The following ADAMTS16 variants were observed in gnomAD, a reference collection of about 807,000 sequenced individuals.
ADAMTS16 encodes the protein A disintegrin and metalloproteinase with thrombospondin motifs 16.
In ADAMTS16, 94 loss-of-function variants were observed where a neutral mutation model predicts 145.8. The ratio of observed to expected loss-of-function variants is 0.64; its 90% confidence interval spans 0.55 to 0.77. The LOEUF (loss-of-function observed/expected upper bound fraction) is 0.77, where lower values mean the gene tolerates loss of function less well. Among genes scored for constraint, ADAMTS16 ranks in the 30% least tolerant of loss-of-function variants. The pLI, the probability that ADAMTS16 is intolerant of heterozygous loss-of-function variation, is 0.00. For synonymous variants in ADAMTS16, 659 were observed against 604.3 expected (o/e 1.09, Z -1.33); for missense variants, 1,585 against 1,591.5 (o/e 1.00, Z 0.07).
intron 21 of ADAMTS16, among the ~76,000 whole-genome samples, chr5:5,316,278 T>G (rs1442361232): frequency 6.6e-6 from 1 of 152,218 alleles, no homozygotes; most frequent in Non-Finnish European, 1.5e-5. Flanking sequence ...TTTTTCACAG[T>G]GTGATCCTTG....
intron 17 of ADAMTS16, among the ~76,000 whole-genome samples, chr5:5,251,539 T>C (rs1276235104): frequency 6.6e-6 from 1 of 152,234 alleles, no homozygotes; most frequent in Non-Finnish European, 1.5e-5. Context: ...ACCTTTTCTG[T>C]TGGGAAAACC....
chr5:5,253,903 G>C (rs1221378343), intron 17 of ADAMTS16, among the ~76,000 whole-genome samples: 1 of 152,116 alleles, frequency 6.6e-6, no homozygotes, highest in African/African-American at 2.4e-5. Flanking sequence ...TCCTTTCTTT[G>C]TATTCTCCCT....
chr5:5,165,687 A>G (rs1734857053), intron 3 of ADAMTS16, among the ~76,000 whole-genome samples: 2 of 152,210 alleles, frequency 1.3e-5, no homozygotes. Context: ...TGCCAACTTG[A>G]TGAGCTCAGC....
intron 11 of ADAMTS16, among the ~76,000 whole-genome samples, chr5:5,224,792 T>A (rs1736710867): frequency 6.6e-6 from 1 of 152,188 alleles, no homozygotes; most frequent in Non-Finnish European, 1.5e-5. Flanking sequence ...GCCTTTCTGA[T>A]GTTGCCTTTG....
chr5:5,159,178 A>G (rs1336489437), intron 3 of ADAMTS16, among the ~76,000 whole-genome samples: 3 of 152,270 alleles, frequency 2.0e-5, no homozygotes, highest in Non-Finnish European at 4.4e-5. Context: ...AAAATAAATC[A>G]GCAGGAAAAC....
At chr5:5,151,159 C>T (rs1734442041) in intron 3 of ADAMTS16, among the ~76,000 whole-genome samples, 2 of 151,636 alleles carry the variant, frequency 1.3e-5, no homozygotes, top group South Asian at 4.2e-4. Context: ...AAAAATGTAC[C>T]TTCATTCAAA....
At chr5:5,215,870 G>GTGTGTGTATATA (rs1260354840) in intron 10 of ADAMTS16, among the ~76,000 whole-genome samples, 6 of 101,620 alleles carry the variant, frequency 5.9e-5, no homozygotes, top group East Asian at 2.6e-4. Flanking sequence ...GTGTGTATGT[G>GTGTGTGTATATA]TATATATATA....
At chr5:5,220,066 C>T (rs1208061849) in intron 10 of ADAMTS16, among the ~76,000 whole-genome samples, 2 of 151,908 alleles carry the variant, frequency 1.3e-5, no homozygotes, top group African/African-American at 4.8e-5. Context: ...CAAATGACTA[C>T]ATGTTCCATG....
At chr5:5,194,326 T>C (rs1406958211) in intron 8 of ADAMTS16, among the ~76,000 whole-genome samples, 1 of 152,138 alleles carries the variant, frequency 6.6e-6, no homozygotes, top group East Asian at 1.9e-4. Context: ...GTGGCAATAA[T>C]AGTAATAGTA....
At chr5:5,305,348 T>C (rs939867955) in intron 20 of ADAMTS16, among the ~76,000 whole-genome samples, 24 of 23,042 alleles carry the variant, frequency 1.0e-3, no homozygotes, top group Non-Finnish European at 1.3e-3. Flanking sequence ...CACACACACA[T>C]CCCACACCAC....
At chr5:5,272,179 T>C (rs1738506632) in intron 18 of ADAMTS16, among the ~76,000 whole-genome samples, 1 of 152,056 alleles carries the variant, frequency 6.6e-6, no homozygotes, top group Admixed American at 6.6e-5. Flanking sequence ...AGGGTTTTGC[T>C]CACAGGAATG....
At chr5:5,208,707 T>G (rs1166398609) in intron 9 of ADAMTS16, among the ~76,000 whole-genome samples, 1 of 152,188 alleles carries the variant, frequency 6.6e-6, no homozygotes, top group South Asian at 2.1e-4. Flanking sequence ...ATAGAGTATG[T>G]TTTATTTTTA....
chr5:5,168,624 ATTATATATAATAT>A (rs1734953764), intron 3 of ADAMTS16, among the ~76,000 whole-genome samples: 4 of 113,842 alleles, frequency 3.5e-5, no homozygotes, highest in African/African-American at 6.7e-5. Flanking sequence ...TATATATTAT[ATTATATATAATAT>A]ATATAATTAT....
intron 5 of ADAMTS16, 79 bp downstream of exon 5, chr5:5,186,330 G>A: frequency 1.5e-6 from 2 of 1,309,930 alleles, no homozygotes; most frequent in Non-Finnish European, 1.1e-6. Flanking sequence ...GTGTGTGTGT[G>A]TGTGTTTCCA....
chr5:5,233,803 T>G (rs1737011899), intron 12 of ADAMTS16, among the ~76,000 whole-genome samples: 1 of 152,214 alleles, frequency 6.6e-6, no homozygotes, highest in Non-Finnish European at 1.5e-5. Flanking sequence ...ACAATGAACA[T>G]TCATGTGCGT....
intron 21 of ADAMTS16, among the ~76,000 whole-genome samples, chr5:5,308,703 C>T (rs1740288518): frequency 6.6e-6 from 1 of 152,198 alleles, no homozygotes; most frequent in African/African-American, 2.4e-5. Context: ...AATCCCAGCA[C>T]TTTGGGAGGC....
chr5:5,280,950 C>A (rs753428090), intron 18 of ADAMTS16, among the ~76,000 whole-genome samples: 16 of 152,228 alleles, frequency 1.1e-4, no homozygotes, highest in African/African-American at 3.6e-4. Context: ...TTGCTCTACC[C>A]TATCTCTTCA....
At chr5:5,233,577 T>G (rs376130668) in intron 12 of ADAMTS16, among the ~76,000 whole-genome samples, 15 of 152,322 alleles carry the variant, frequency 9.8e-5, no homozygotes, top group African/African-American at 3.4e-4. Context: ...CACTTATAAG[T>G]GAGAACATGC....
intron 10 of ADAMTS16, among the ~76,000 whole-genome samples, chr5:5,219,252 T>C (rs2126339674): frequency 6.6e-6 from 1 of 152,344 alleles, no homozygotes; most frequent in East Asian, 1.9e-4. Context: ...CATCACACTC[T>C]TCTAGTTATC....
Sources: gnomAD v4.1 joint callset for allele counts (sites outside exome capture counted in the v4.1 genomes callset) on GRCh38, gnomAD v4.1.1 for gene constraint, MANE v1.5 for transcripts, NCBI Gene and HGNC (gene_info 2026-07-23, HGNC 2026-07-21) for gene names.